The following ARHGEF33 variants were observed in gnomAD, a reference collection of about 807,000 sequenced individuals.
ARHGEF33 encodes the protein DH and coiled-coil domain-containing protein ENSP00000381780.
Under a neutral mutation model 101.9 loss-of-function variants are expected in ARHGEF33, and 72 were observed. The ratio of observed to expected loss-of-function variants is 0.71; its 90% CI spans 0.58 to 0.86. The LOEUF is 0.86. Among genes scored for constraint, ARHGEF33 ranks in the 40% least tolerant of loss-of-function variants. ARHGEF33 has a pLI of 0.00. For missense variants in ARHGEF33, 1,169 were observed against 1,111.3 expected, an observed-to-expected ratio of 1.05 and a Z score of -0.74; for synonymous variants, 499 against 442.5, an observed-to-expected ratio of 1.13 and a Z score of -1.60.
chr2:38,900,265 C>G (rs935954535), intron 2 of ARHGEF33, among the ~76,000 whole-genome samples: 1 of 152,020 alleles, frequency 6.6e-6, no homozygotes, highest in African/African-American at 2.4e-5. Flanking sequence ...ACCAATAATG[C>G]AGTTTGAGAA....
At chr2:38,914,586 G>C (rs1481837826) in intron 2 of ARHGEF33, among the ~76,000 whole-genome samples, 1 of 148,970 alleles carries the variant, frequency 6.7e-6, no homozygotes, top group Non-Finnish European at 1.5e-5. Context: ...AGAATAGTTT[G>C]AAACCGGGAG....
intron 2 of ARHGEF33, among the ~76,000 whole-genome samples, chr2:38,918,235 G>T (rs1172778756): frequency 6.6e-6 from 1 of 152,222 alleles, no homozygotes. Flanking sequence ...ATTTCTAACA[G>T]ATAATGGTCA....
At chr2:38,925,132 T>A (rs1262960012) in intron 4 of ARHGEF33, among the ~76,000 whole-genome samples, 1 of 152,212 alleles carries the variant, frequency 6.6e-6, no homozygotes, top group South Asian at 2.1e-4. Context: ...CATATAAACA[T>A]CTGCATTTAT....
Position 38,960,549 on chromosome 2 carries a change from C to G in ARHGEF33, c.2244C>G (p.Gly748=). Residue 748 remains glycine, a synonymous_variant, in exon 16 of 18, where the codon GGC becomes GGG. Coordinates refer to ENST00000409978, the MANE Select transcript of ARHGEF33 (RefSeq NM_001145451.5). ...IKAERAAQAH[G]PAAAAVAARG... is the part of the protein sequence containing the mutation. ...CCGAGCGCGCCGCGCAGGCGCACGG[C>G]CCGGCCGCCGCCGCCGTCGCCGCCC... The G allele has an allele frequency of 7.8e-7, 1 of 1,276,754 alleles. No homozygotes were observed. Among genetic ancestry groups the G allele is most frequent in the Non-Finnish European group, 1.0e-6 (1 of 999,544 alleles). 79.1% of individuals were successfully genotyped at this position (1,276,754 alleles called of 1,614,324 possible).
intron 8 of ARHGEF33, chr2:38,936,787 C>G (rs138905529): frequency 6.6e-6 from 1 of 151,688 alleles, no homozygotes; most frequent in East Asian, 2.0e-4. Context: ...ACCAGCCTGG[C>G]CAGCATGGTG....
intron 9 of ARHGEF33, among the ~76,000 whole-genome samples, chr2:38,942,304 C>T (rs1025962605): frequency 6.6e-6 from 1 of 151,056 alleles, no homozygotes; most frequent in East Asian, 2.0e-4. Flanking sequence ...AGTAGCTGGA[C>T]GACAGGTGCA....
chr2:38,920,348 C>G (rs1158031695), intron 3 of ARHGEF33, among the ~76,000 whole-genome samples: 4 of 151,582 alleles, frequency 2.6e-5, no homozygotes, highest in Admixed American at 6.6e-5. Context: ...TCCAGGCCAA[C>G]CTCTTTTTCT....
At chr2:38,968,968 C>T (rs1162112831) in intron 17 of ARHGEF33, among the ~76,000 whole-genome samples, 2 of 152,174 alleles carry the variant, frequency 1.3e-5, no homozygotes, top group Non-Finnish European at 1.5e-5. Context: ...AGGGAGGCCC[C>T]AGTGTAGCAC....
intron 4 of ARHGEF33, among the ~76,000 whole-genome samples, chr2:38,925,519 G>C (rs1666851457): frequency 6.6e-6 from 1 of 152,166 alleles, no homozygotes; most frequent in African/African-American, 2.4e-5. Context: ...GGCCCTGCAA[G>C]AATGATTTGA....
At position 38,924,826 on chromosome 2, in the gene ARHGEF33, C is replaced by G. The variant is rs370686140; in HGVS notation, c.75+3403C>G. ...CTTTGGGTCATCTTTGACCCACAGG[C>G]ATTTCATATTAAGGAATTTATTCTA... is the stretch of plus-strand genomic sequence containing the variant. On this transcript the variant is annotated intron_variant, in intron 4 of 17. Coordinates refer to ENST00000409978, the MANE Select transcript of ARHGEF33 (RefSeq NM_001145451.5). 3.3e-5 allele frequency among the ~76,000 whole-genome samples: 5 copies of G among 152,246 alleles called. No homozygotes were observed. The East Asian group carries it at 5.8e-4, about 18-fold the overall frequency.
In ARHGEF33 at chr2:38,953,164, T is replaced by C. The variant is rs1180800740; in HGVS notation, c.1056T>C (p.Asn352=). The C allele has an allele frequency of 6.8e-7, 1 of 1,475,388 alleles. No homozygotes were observed. Among genetic ancestry groups the C allele is most frequent in the Admixed American group, 2.0e-5 (1 of 50,920 alleles). 91.4% of individuals were successfully genotyped at this position (1,475,388 alleles called of 1,614,324 possible). A position where few individuals can be genotyped will look rare whatever the true frequency, so the allele number is the denominator to read the frequency against. The change falls in exon 12 of 18, where the codon AAT becomes AAC. Residue 352 remains asparagine, a splice_region_variant and synonymous_variant. Transcript: ENST00000409978. ...GCATTTTTGTGTTTGTTTTAAAGAA[T>C]AATTTCTTGGATTATTATGTTGCCT... The part of the protein sequence containing the change: ...DLFLKLTNDE[N]NFLDYYVAYL...
intron 2 of ARHGEF33, among the ~76,000 whole-genome samples, chr2:38,912,370 A>T (rs1006762443): frequency 6.6e-6 from 1 of 152,234 alleles, no homozygotes; most frequent in Admixed American, 6.5e-5. Flanking sequence ...GCAGACTACA[A>T]GTGAGATCTC....
intron 10 of ARHGEF33, among the ~76,000 whole-genome samples, chr2:38,949,900 C>T (rs2124410711): frequency 6.6e-6 from 1 of 152,312 alleles, no homozygotes; most frequent in South Asian, 2.1e-4. Context: ...GCGCTACGCA[C>T]TTTTAAACAG....
At chr2:38,952,990 C>A (rs981041764) in intron 11 of ARHGEF33, among the ~76,000 whole-genome samples, 172 bp from the exon 12 acceptor site, 2 of 152,070 alleles carry the variant, frequency 1.3e-5, no homozygotes, top group East Asian at 1.9e-4. Context: ...TGAGCCACCG[C>A]GCCTTATCTA....
Position 38,937,470 on chromosome 2 carries a change from T to C in ARHGEF33, c.701T>C (p.Val234Ala). The change falls in exon 9 of 18, where the codon GTC (valine) becomes GCC (alanine). Residue 234 changes from valine (V) to alanine (A), a missense_variant. Coordinates refer to ENST00000409978, the MANE Select transcript of ARHGEF33 (RefSeq NM_001145451.5). ...KDGKEWGEEY[V>A]TKDHPDKLKE... is the part of the protein sequence containing the mutation. The stretch of plus-strand genomic sequence containing the variant: ...GGTAAAGAATGGGGTGAAGAATACG[T>C]CACAAAAGACCACCCAGATAAACTC... The C allele has an allele frequency of 1.9e-6, 3 of 1,550,570 alleles. No homozygotes were observed. Among genetic ancestry groups the C allele is most frequent in the African/African-American group, 2.7e-5 (2 of 72,990 alleles).
chr2:38,957,673 A>G (rs376234915), intron 14 of ARHGEF33, among the ~76,000 whole-genome samples: 1 of 152,188 alleles, frequency 6.6e-6, no homozygotes, highest in Non-Finnish European at 1.5e-5. Flanking sequence ...ACAGCTTCCT[A>G]ATGACCTGGA....
intron 2 of ARHGEF33, among the ~76,000 whole-genome samples, chr2:38,898,336 G>C (rs1420723584): frequency 1.3e-5 from 2 of 152,092 alleles, no homozygotes; most frequent in Non-Finnish European, 2.9e-5. Context: ...ACAAAATTTG[G>C]GCAGCACATT....
intron 2 of ARHGEF33, among the ~76,000 whole-genome samples, chr2:38,901,837 C>T (rs956938263): frequency 6.6e-6 from 1 of 152,114 alleles, no homozygotes; most frequent in Non-Finnish European, 1.5e-5. Flanking sequence ...AGCATGAGGC[C>T]GGGCACGGTG....
At chr2:38,932,169 C>T (rs946181166) in intron 7 of ARHGEF33, among the ~76,000 whole-genome samples, 12 of 152,300 alleles carry the variant, frequency 7.9e-5, no homozygotes, top group African/African-American at 2.6e-4. Flanking sequence ...GTCACCCAGG[C>T]TGGAGTGCAG....
Sources: gnomAD v4.1 joint callset for allele counts (sites outside exome capture counted in the v4.1 genomes callset) on GRCh38, gnomAD v4.1.1 for gene constraint, MANE v1.5 for transcripts, NCBI Gene and HGNC (gene_info 2026-07-23, HGNC 2026-07-21) for gene names.